DDHD2: variants seen among roughly 807,000 people sequenced by gnomAD.
The protein encoded by DDHD2 is triacylglycerol hydrolase DDHD2.
DDHD2 carries 62 observed loss-of-function variants against 91.2 expected under a neutral mutation model. That is an observed-to-expected ratio of 0.68 (90% confidence interval 0.55 to 0.84). The LOEUF (loss-of-function observed/expected upper bound fraction) is 0.84, where lower values mean the gene tolerates loss of function less well. DDHD2 is among the 40% of genes least tolerant of loss of function. DDHD2 has a pLI of 0.00. For missense variants in DDHD2, 740 were observed against 846.9 expected, an observed-to-expected ratio of 0.87 and a Z score of 1.57; for synonymous variants, 271 against 293.9, an observed-to-expected ratio of 0.92 and a Z score of 0.80.
chr8:38,249,273 T>C (rs2130831971), intron 10 of DDHD2, among the ~76,000 whole-genome samples: 1 of 151,900 alleles, frequency 6.6e-6, no homozygotes, highest in South Asian at 2.1e-4. Flanking sequence ...CCACTGCGCC[T>C]GGCTAATTTT....
At position 38,261,497 on chromosome 8, in the gene DDHD2, C is replaced by T. The variant is rs187244602; in HGVS notation, c.*924C>T. 1 of 152,240 alleles carries T rather than the reference C, an allele frequency of 6.6e-6. No individual in the cohort carries two copies. The highest frequency in any genetic ancestry group is 6.5e-5 in the Admixed American group (1 of 15,290). 9.4% of individuals were successfully genotyped at this position (152,240 alleles called of 1,614,324 possible). On this transcript the variant is annotated 3_prime_UTR_variant, in exon 18 of 18. Coordinates refer to ENST00000397166, the MANE Select transcript of DDHD2 (RefSeq NM_015214.3). ...CAGAATTTGTCACCTGCCATTTCTA[C>T]TTGAGCTAAGGTAGTATTGTGTATC...
chr8:38,250,140 C>T (rs1563309937), intron 11 of DDHD2: 1 of 155,472 alleles, frequency 6.4e-6, no homozygotes, highest in Non-Finnish European at 1.4e-5. Flanking sequence ...TGGTCTCAAA[C>T]TCCTGACCTT....
chr8:38,253,670 A>G lies in DDHD2; in HGVS notation c.2006A>G (p.Glu669Gly), dbSNP rs779462871. ...TATGTGCTACAGGAGAAGCCTATTG[A>G]AAGTTTTAATGAGTATTTATTTGCT... ...IDYVLQEKPI[E>G]SFNEYLFALQ... Residue 669 changes from glutamate (E) to glycine (G), a missense_variant, in exon 16 of 18, where the codon GAA becomes GGA. This residue lies in a region of DDHD2 where 47 missense variants were observed against 82.6 expected (regional missense o/e 0.57). Coordinates refer to ENST00000397166, the MANE Select transcript of DDHD2 (RefSeq NM_015214.3). The G allele has an allele frequency of 6.2e-7, 1 of 1,614,200 alleles. No homozygotes were observed. Among genetic ancestry groups the G allele is most frequent in the Non-Finnish European group, 8.5e-7 (1 of 1,180,002 alleles).
At chr8:38,258,177 A>G (rs1048481246) in intron 16 of DDHD2, among the ~76,000 whole-genome samples, 1 of 151,972 alleles carries the variant, frequency 6.6e-6, no homozygotes, top group Non-Finnish European at 1.5e-5. Context: ...TAAATCTTTG[A>G]TTCAGATTCA....
intron 1 of DDHD2, chr8:38,268,356 A>ATTC (rs1367202268): frequency 6.4e-7 from 1 of 1,556,910 alleles, no homozygotes; most frequent in African/African-American, 1.4e-5. Context: ...CCGGCCCGAA[A>ATTC]GGGCTAGCGC....
chr8:38,234,849 C>G (rs1235126932), intron 3 of DDHD2, among the ~76,000 whole-genome samples: 1 of 151,240 alleles, frequency 6.6e-6, no homozygotes, highest in Non-Finnish European at 1.5e-5. Flanking sequence ...CTCACTGCAA[C>G]CTCCACCTCC....
At position 38,243,275 on chromosome 8, in the gene DDHD2, T is replaced by G. The variant is rs1443267612; in HGVS notation, c.848+890T>G. On this transcript the variant is annotated intron_variant, in intron 7 of 17. Transcript: ENST00000397166. Reference sequence around the variant, plus strand: ...AGATTTTGTCAGCGTGGTCTTCCTCTCCCAGATATGAATTCTGTTTGCTTT... The same window carrying G: ...AGATTTTGTCAGCGTGGTCTTCCTCGCCCAGATATGAATTCTGTTTGCTTT... Among the ~76,000 whole-genome samples, 3 of 152,318 alleles carry G rather than the reference T, an allele frequency of 2.0e-5. No homozygotes were observed. In the East Asian group the frequency reaches 5.8e-4, roughly 29 times the overall value.
chr8:38,250,660 G>C (rs573860295), intron 11 of DDHD2: 1 of 152,034 alleles, frequency 6.6e-6, no homozygotes, highest in East Asian at 1.9e-4. Context: ...TTTCATGAGA[G>C]TTTTACCAAT....
In DDHD2 at chr8:38,238,137, A is replaced by G. The variant is rs774010752; in HGVS notation, c.550A>G (p.Thr184Ala). The change falls in exon 5 of 18, where the codon ACA becomes GCA. Residue 184 changes from threonine (T) to alanine (A), a missense_variant. Transcript: ENST00000397166. ...TGCAGGGTCTGATGATTGGGGTTCA[A>G]CACCCACGGAGCAGGGTCGACCAAG... ...PVAGSDDWGSTPTEQGRPRTV... is the reference protein window; with the variant it reads ...PVAGSDDWGSAPTEQGRPRTV... 1.9e-6 allele frequency: 3 copies of G among 1,613,776 alleles called. No homozygotes were observed. The highest frequency in any genetic ancestry group is 2.2e-5 in the East Asian group (1 of 44,880).
intron 3 of DDHD2, among the ~76,000 whole-genome samples, chr8:38,236,625 C>T (rs1804782499): frequency 1.3e-5 from 2 of 152,108 alleles, no homozygotes; most frequent in African/African-American, 4.8e-5. Flanking sequence ...AAGCGATTCT[C>T]CTGCCTCAGC....
In DDHD2 at chr8:38,247,735, A is replaced by T. The variant is rs375165894; in HGVS notation, c.1148A>T (p.Asp383Val). 1.9e-6 allele frequency: 3 copies of T among 1,542,762 alleles called. No homozygotes were observed. The African/African-American group carries it at 4.2e-5, about 22-fold the overall frequency. Residue 383 changes from aspartate (D) to valine (V), a missense_variant, in exon 10 of 18, where the codon GAT becomes GTT. Transcript: ENST00000397166. The part of the protein sequence containing the change: ...SEKDSLNIVM[D>V]QGDTPTLEED... ...TAGGATTCGCTAAATATTGTAATGG[A>T]TCAAGGAGATACACCTACACTAGAG...
In DDHD2 at chr8:38,234,478, A is replaced by T; in HGVS notation, c.305A>T (p.Tyr102Phe). The change falls in exon 3 of 18, where the codon TAC (tyrosine) becomes TTC (phenylalanine). Residue 102 changes from tyrosine (Y) to phenylalanine (F), a missense_variant. Coordinates refer to ENST00000397166, the MANE Select transcript of DDHD2 (RefSeq NM_015214.3). ...HLGERMRYAV[Y>F]WDELASEVRR... is the part of the protein sequence containing the mutation. ...GGGGAGAGGATGCGGTATGCTGTATACTGGGATGAACTGGCATCGGAAGTG... is the reference window on the plus strand; with the variant it reads ...GGGGAGAGGATGCGGTATGCTGTATTCTGGGATGAACTGGCATCGGAAGTG... The T allele has an allele frequency of 6.2e-7, 1 of 1,613,456 alleles. No individual in the cohort carries two copies. Among genetic ancestry groups the T allele is most frequent in the Non-Finnish European group, 8.5e-7 (1 of 1,179,888 alleles).
downstream of DDHD2, chr8:38,263,751 A>G: frequency 1.0e-6 from 1 of 985,444 alleles, no homozygotes. Context: ...GCTATATGAA[A>G]TGGAAATTAA....
At chr8:38,271,602 G>A (rs1808484367), downstream of DDHD2, 1 of 152,204 alleles carries the variant, frequency 6.6e-6, no homozygotes, top group Non-Finnish European at 1.5e-5. Flanking sequence ...CAAATAACCA[G>A]AGACCAATTC....
intron 13 of DDHD2, 60 bp from the exon 14 acceptor site, chr8:38,252,657 AAAGTT>A: frequency 8.1e-7 from 1 of 1,233,718 alleles, no homozygotes; most frequent in South Asian, 1.4e-5. Context: ...AAAAAAAAAA[AAAGTT>A]ATATAGTTTC....
At chr8:38,268,492 T>A (rs1232849634) in intron 1 of DDHD2, 4 of 1,548,692 alleles carry the variant, frequency 2.6e-6, no homozygotes, top group Admixed American at 2.0e-5. Context: ...TTAAAAACAA[T>A]CCAAAAAAAA....
intron 3 of DDHD2, among the ~76,000 whole-genome samples, chr8:38,236,648 T>TGG (rs1193416189): frequency 6.6e-6 from 1 of 152,134 alleles, no homozygotes; most frequent in East Asian, 1.9e-4. Flanking sequence ...CCCGAGTAGC[T>TGG]GGGATTACAG....
intron 3 of DDHD2, among the ~76,000 whole-genome samples, chr8:38,236,433 C>A (rs1211004952): frequency 2.0e-5 from 3 of 151,870 alleles, no homozygotes. Flanking sequence ...CGGCTCACTG[C>A]AACCTCTGCA....
In DDHD2 at chr8:38,268,872, C is replaced by T. The variant is rs773648843; in HGVS notation, n.88-2250C>T. The T allele has an allele frequency of 1.1e-5, 17 of 1,547,130 alleles. No individual in the cohort carries two copies. In the South Asian group the frequency reaches 2.0e-4, roughly 18 times the overall value. ...TGGGGAGGGAGGAAAGACGATCTTT[C>T]TCCACGCACAAACATCGGCTTGGTG... is the stretch of plus-strand genomic sequence containing the variant. On this transcript the variant is annotated intron_variant and non_coding_transcript_variant, in intron 1 of 1. Coordinates refer to the DDHD2 transcript ENST00000526071.
Sources: gnomAD v4.1 joint callset for allele counts (sites outside exome capture counted in the v4.1 genomes callset) on GRCh38, gnomAD v4.1.1 for gene constraint, gnomAD v4.1.1 regional missense constraint, MANE v1.5 for transcripts, NCBI Gene and HGNC (gene_info 2026-07-23, HGNC 2026-07-21) for gene names.